TCERG1L: variants seen among roughly 807,000 people sequenced by gnomAD.
TCERG1L encodes transcription elongation regulator 1 like.
In TCERG1L, 37 loss-of-function variants were observed where a neutral mutation model predicts 56.3. The observed-to-expected ratio is 0.66, with a 90% confidence interval of 0.51 to 0.87. The LOEUF is 0.87. Ranked by LOEUF, TCERG1L falls within the 40% of genes least tolerant of loss-of-function variation. The pLI is 0.00. For missense variants in TCERG1L, 799 were observed against 774.2 expected, an observed-to-expected ratio of 1.03 and a Z score of -0.38; for synonymous variants, 324 against 326.3, an observed-to-expected ratio of 0.99 and a Z score of 0.08.
At chr10:131,175,062 G>A (rs1386219928) in intron 4 of TCERG1L, among the ~76,000 whole-genome samples, 9 of 151,878 alleles carry the variant, frequency 5.9e-5, no homozygotes, top group Non-Finnish European at 1.0e-4. Flanking sequence ...TGTTTGACCA[G>A]CAAGAGAATC....
intron 4 of TCERG1L, among the ~76,000 whole-genome samples, chr10:131,230,550 G>A (rs1231120944): frequency 3.3e-5 from 5 of 152,232 alleles, no homozygotes; most frequent in Non-Finnish European, 5.9e-5. Context: ...TCCCACTGAC[G>A]AGCCTGGCGG....
intron 3 of TCERG1L, among the ~76,000 whole-genome samples, chr10:131,284,141 AAAG>A (rs1846495077): frequency 3.3e-5 from 5 of 150,804 alleles, no homozygotes; most frequent in Admixed American, 1.3e-4. Flanking sequence ...AAAAAAAAAA[AAAG>A]AAAAGAAAAA....
At chr10:131,172,134 T>C (rs1024689139) in intron 4 of TCERG1L, among the ~76,000 whole-genome samples, 1 of 152,214 alleles carries the variant, frequency 6.6e-6, no homozygotes, top group Non-Finnish European at 1.5e-5. Flanking sequence ...CAACATGATA[T>C]CTGGAAGCGT....
At chr10:131,288,251 G>A (rs535448866) in intron 3 of TCERG1L, among the ~76,000 whole-genome samples, 2 of 152,328 alleles carry the variant, frequency 1.3e-5, no homozygotes, top group African/African-American at 4.8e-5. Flanking sequence ...GATTCAGAAT[G>A]ATTTATCTGT....
intron 10 of TCERG1L, among the ~76,000 whole-genome samples, chr10:131,100,539 CAA>C (rs1343041918): frequency 2.6e-5 from 4 of 152,310 alleles, no homozygotes; most frequent in South Asian, 2.1e-4. Flanking sequence ...CATGACTTTT[CAA>C]AAGAGATTCC....
At chr10:131,126,063 T>C (rs1466885083) in intron 8 of TCERG1L, among the ~76,000 whole-genome samples, 2 of 152,240 alleles carry the variant, frequency 1.3e-5, no homozygotes, top group African/African-American at 4.8e-5. Flanking sequence ...AGACTCACTG[T>C]TGGCCTTTCC....
intron 3 of TCERG1L, among the ~76,000 whole-genome samples, chr10:131,288,031 T>C (rs964615825): frequency 1.4e-4 from 22 of 152,304 alleles, no homozygotes; most frequent in African/African-American, 5.3e-4. Context: ...CCAGATGGTG[T>C]AATTTACAGC....
At chr10:131,181,723 T>C (rs893863675) in intron 4 of TCERG1L, among the ~76,000 whole-genome samples, 1 of 152,218 alleles carries the variant, frequency 6.6e-6, no homozygotes, top group African/African-American at 2.4e-5. Flanking sequence ...AGGCTCTCCG[T>C]GTCCCCCCTC....
intron 3 of TCERG1L, among the ~76,000 whole-genome samples, chr10:131,303,257 T>C (rs567419130): frequency 1.6e-4 from 24 of 152,248 alleles, no homozygotes; most frequent in Admixed American, 3.9e-4. Flanking sequence ...TGTAAAAGCG[T>C]TCCTATTTCT....
chr10:131,227,258 C>G (rs1845800310), intron 4 of TCERG1L, among the ~76,000 whole-genome samples: 1 of 152,266 alleles, frequency 6.6e-6, no homozygotes. Context: ...GCCCCCAGCT[C>G]TATGCCTGCA....
At chr10:131,151,994 G>A (rs572521915) in intron 6 of TCERG1L, among the ~76,000 whole-genome samples, 3 of 152,298 alleles carry the variant, frequency 2.0e-5, no homozygotes, top group African/African-American at 7.2e-5. Flanking sequence ...CTAGGATGCA[G>A]GGCACCTTGT....
intron 4 of TCERG1L, among the ~76,000 whole-genome samples, chr10:131,253,829 C>G (rs1846138942): frequency 6.6e-6 from 1 of 152,074 alleles, no homozygotes; most frequent in African/African-American, 2.4e-5. Context: ...AAGAATTGTT[C>G]CTGGCACCAG....
intron 8 of TCERG1L, among the ~76,000 whole-genome samples, chr10:131,119,833 C>T (rs1845496006): frequency 2.0e-5 from 3 of 152,192 alleles, no homozygotes; most frequent in South Asian, 4.1e-4. Context: ...GTGCACCAGC[C>T]CTGCAGGCTG....
chr10:131,276,457 G>A (rs1009745735), intron 3 of TCERG1L, among the ~76,000 whole-genome samples: 11 of 152,186 alleles, frequency 7.2e-5, no homozygotes, highest in African/African-American at 2.7e-4. Context: ...TCAGGCAGCT[G>A]TTTTCAAACC....
intron 6 of TCERG1L, among the ~76,000 whole-genome samples, chr10:131,153,487 C>T (rs1036737578): frequency 6.6e-6 from 1 of 152,180 alleles, no homozygotes; most frequent in African/African-American, 2.4e-5. Flanking sequence ...GCGGCCCTAT[C>T]CACTGGGTCT....
chr10:131,232,730 A>G (rs1845865618), intron 4 of TCERG1L, among the ~76,000 whole-genome samples: 5 of 152,232 alleles, frequency 3.3e-5, no homozygotes, highest in Admixed American at 3.3e-4. Context: ...AAATGGGCAC[A>G]AAACCCTCCC....
intron 4 of TCERG1L, among the ~76,000 whole-genome samples, chr10:131,208,779 C>T (rs530691728): frequency 1.3e-5 from 2 of 152,310 alleles, no homozygotes; most frequent in South Asian, 2.1e-4. Context: ...AAAACTTGGC[C>T]GGGCGCAGTG....
In TCERG1L at chr10:131,098,287, T is replaced by G. The variant is rs767996110; in HGVS notation, c.1604+19A>C. On this transcript the variant is annotated intron_variant, in intron 11 of 11. Coordinates refer to ENST00000368642, the MANE Select transcript of TCERG1L (RefSeq NM_174937.4). ...GTTCCCAGCCCCAGAAATCATCCGGTATATTTCTCTCTCCATACCTGGGAG... is the reference window on the plus strand; with the variant it reads ...GTTCCCAGCCCCAGAAATCATCCGGGATATTTCTCTCTCCATACCTGGGAG... 2.6e-6 allele frequency: 4 copies of G among 1,547,966 alleles called. No homozygotes were observed. The highest frequency in any genetic ancestry group is 1.4e-5 in the African/African-American group (1 of 72,858).
intron 4 of TCERG1L, among the ~76,000 whole-genome samples, chr10:131,245,619 C>G (rs1008819878): frequency 1.3e-4 from 20 of 152,210 alleles, no homozygotes; most frequent in African/African-American, 4.8e-4. Flanking sequence ...TGCCCACAGG[C>G]CGCCGCCACA....
Sources: allele counts gnomAD v4.1 joint callset (sites outside exome capture counted in the v4.1 genomes callset), GRCh38; gene constraint gnomAD v4.1.1; transcripts MANE v1.5; gene names NCBI Gene and HGNC (gene_info 2026-07-23, HGNC 2026-07-21).